GRIA1: variants seen among roughly 807,000 people sequenced by gnomAD.
GRIA1 encodes glutamate ionotropic receptor AMPA type subunit 1, also known as glutamate receptor 1.
GRIA1 carries 31 observed loss-of-function variants against 99.2 expected under a neutral mutation model. The observed-to-expected ratio is 0.31, with a 90% CI of 0.23 to 0.42. GRIA1 has a LOEUF of 0.42. GRIA1 is among the 10% of genes least tolerant of loss of function. GRIA1 has a pLI of 1.00. For synonymous variants in GRIA1, 438 were observed against 432.4 expected (o/e 1.01, Z -0.16); for missense variants, 782 against 1,157.5 (o/e 0.68, Z 4.71).
At chr5:153,505,172 G>A (rs1350158355) in intron 2 of GRIA1, among the ~76,000 whole-genome samples, 1 of 152,194 alleles carries the variant, frequency 6.6e-6, no homozygotes, top group African/African-American at 2.4e-5. Context: ...ACAGGGGACT[G>A]ATATCCTAAG....
At chr5:153,537,354 G>A (rs112870828) in intron 2 of GRIA1, among the ~76,000 whole-genome samples, 1,745 of 152,232 alleles carry the variant, frequency 0.011, 41 homozygotes, top group African/African-American at 0.04. Flanking sequence ...TTTCTCCCCC[G>A]CAGACCTGCC....
chr5:153,735,082 G>A (rs1483762082), intron 11 of GRIA1, among the ~76,000 whole-genome samples: 1 of 152,088 alleles, frequency 6.6e-6, no homozygotes, highest in East Asian at 1.9e-4. Context: ...TACATGACAG[G>A]TCCCCACCAC....
At chr5:153,565,833 T>C (rs1761564837) in intron 2 of GRIA1, among the ~76,000 whole-genome samples, 1 of 151,928 alleles carries the variant, frequency 6.6e-6, no homozygotes, top group Admixed American at 6.6e-5. Flanking sequence ...CTATAGTATT[T>C]CATTTTATGG....
At chr5:153,586,169 T>G (rs1331112445) in intron 2 of GRIA1, among the ~76,000 whole-genome samples, 3 of 152,224 alleles carry the variant, frequency 2.0e-5, no homozygotes, top group Non-Finnish European at 4.4e-5. Context: ...CATATTTATT[T>G]GTTTAGTTGT....
chr5:153,659,908 A>G (rs2963939), intron 5 of GRIA1, among the ~76,000 whole-genome samples: 61,669 of 152,062 alleles, frequency 0.41, 13,211 homozygotes, highest in Non-Finnish European at 0.45. Flanking sequence ...TAGAGGAGTA[A>G]TAACAATAGT....
chr5:153,567,025 T>C (rs1247654477), intron 2 of GRIA1, among the ~76,000 whole-genome samples: 2 of 152,210 alleles, frequency 1.3e-5, no homozygotes, highest in Non-Finnish European at 2.9e-5. Flanking sequence ...CCACAAATAT[T>C]GTCTTTTATT....
At chr5:153,513,402 A>G (rs1313506938) in intron 2 of GRIA1, among the ~76,000 whole-genome samples, 1 of 152,132 alleles carries the variant, frequency 6.6e-6, no homozygotes, top group East Asian at 1.9e-4. Context: ...TCCCCCGCCA[A>G]CGCAGATCCC....
At chr5:153,604,976 C>T (rs1370259415) in intron 2 of GRIA1, among the ~76,000 whole-genome samples, 2 of 152,032 alleles carry the variant, frequency 1.3e-5, no homozygotes, top group Non-Finnish European at 2.9e-5. Context: ...GCGCAGTGGT[C>T]AGGAATTTGA....
chr5:153,795,165 G>C (rs1765568148), intron 14 of GRIA1, among the ~76,000 whole-genome samples: 1 of 152,090 alleles, frequency 6.6e-6, no homozygotes, highest in Non-Finnish European at 1.5e-5. Context: ...GAGAGCCTGT[G>C]GACAGGGAGG....
chr5:153,557,965 T>C (rs1241721701), intron 2 of GRIA1: 1 of 152,222 alleles, frequency 6.6e-6, no homozygotes, highest in African/African-American at 2.4e-5. Context: ...ACATATATAG[T>C]AAATGTATAA....
chr5:153,662,282 G>A (rs1755427095), intron 5 of GRIA1, among the ~76,000 whole-genome samples: 1 of 152,190 alleles, frequency 6.6e-6, no homozygotes, highest in Non-Finnish European at 1.5e-5. Context: ...GCCTGATACT[G>A]CACTGGGCTC....
intron 7 of GRIA1, among the ~76,000 whole-genome samples, chr5:153,681,682 A>C (rs1331544060): frequency 6.6e-6 from 1 of 152,140 alleles, no homozygotes; most frequent in African/African-American, 2.4e-5. Flanking sequence ...AAACAGACAT[A>C]ATCCTCCTAG....
At chr5:153,662,611 A>G (rs1404755027) in intron 5 of GRIA1, among the ~76,000 whole-genome samples, 1 of 152,172 alleles carries the variant, frequency 6.6e-6, no homozygotes, top group Non-Finnish European at 1.5e-5. Context: ...AAGGGTACCT[A>G]TGAAACTCAT....
chr5:153,710,613 C>A (rs1759243926), intron 11 of GRIA1, among the ~76,000 whole-genome samples: 1 of 152,176 alleles, frequency 6.6e-6, no homozygotes, highest in South Asian at 2.1e-4. Flanking sequence ...ATCTTTAGTA[C>A]CTTCAACTTT....
At chr5:153,566,624 T>A (rs1761653654) in intron 2 of GRIA1, among the ~76,000 whole-genome samples, 1 of 150,588 alleles carries the variant, frequency 6.6e-6, no homozygotes, top group Non-Finnish European at 1.5e-5. Context: ...ATTTTTTAAT[T>A]TGGTTGTTTG....
chr5:153,780,414 G>A (rs1242419252), intron 13 of GRIA1, among the ~76,000 whole-genome samples: 1 of 152,176 alleles, frequency 6.6e-6, no homozygotes, highest in Non-Finnish European at 1.5e-5. Flanking sequence ...ATGAATCCCA[G>A]GTCTGCTAGT....
At chr5:153,664,052 C>A (rs1755567982) in intron 5 of GRIA1, among the ~76,000 whole-genome samples, 2 of 152,202 alleles carry the variant, frequency 1.3e-5, no homozygotes, top group Non-Finnish European at 2.9e-5. Flanking sequence ...AGAGGGGCCC[C>A]TTAGCACTAA....
At chr5:153,678,438 G>C (rs1017209897) in intron 7 of GRIA1, among the ~76,000 whole-genome samples, 1 of 152,110 alleles carries the variant, frequency 6.6e-6, no homozygotes, top group Non-Finnish European at 1.5e-5. Flanking sequence ...TGCTAAGGAG[G>C]ACCTCCAGCT....
chr5:153,491,174 C>T (rs758309986), intron 1 of GRIA1: 26 of 1,059,412 alleles, frequency 2.5e-5, no homozygotes, highest in Non-Finnish European at 3.4e-5. Flanking sequence ...GGGAAGTGTT[C>T]ACACACGCAC....
Sources: allele counts gnomAD v4.1 joint callset (sites outside exome capture counted in the v4.1 genomes callset), GRCh38; gene constraint gnomAD v4.1.1; transcripts MANE v1.5; gene names NCBI Gene and HGNC (gene_info 2026-07-23, HGNC 2026-07-21).